The following PLB1 variants were observed in gnomAD, a reference collection of about 807,000 sequenced individuals.
The protein encoded by PLB1 is phospholipase B1, also known as phospholipase B1, membrane-associated.
A neutral mutation model predicts 227.4 loss-of-function variants in PLB1; 242 were observed. The ratio of observed to expected loss-of-function variants is 1.06; its 90% CI spans 0.96 to 1.18. The LOEUF (loss-of-function observed/expected upper bound fraction) is 1.18. Among genes scored for constraint, PLB1 ranks in the 50% most tolerant of loss-of-function variants. The probability of loss-of-function intolerance (pLI) is 0.00; values close to 1 mark genes in which losing one functional copy is unlikely to be tolerated. For missense variants in PLB1, 1,858 were observed against 1,816.3 expected (o/e 1.02, Z -0.42); for synonymous variants, 757 against 682.2 (o/e 1.11, Z -1.71).
At chr2:28,614,196 A>C (rs1685872012) in intron 44 of PLB1, 100 bp downstream of exon 44, 3 of 1,138,778 alleles carry the variant, frequency 2.6e-6, no homozygotes, top group Non-Finnish European at 4.0e-6. Context: ...CTGAAGCAGA[A>C]ATGTACTTCT....
At chr2:28,569,583 C>A (rs1677643571) in intron 20 of PLB1, among the ~76,000 whole-genome samples, 1 of 152,146 alleles carries the variant, frequency 6.6e-6, no homozygotes, top group Non-Finnish European at 1.5e-5. Context: ...ATACCATGAA[C>A]AAATTGTATG....
At position 28,620,924 on chromosome 2, in the gene PLB1, G is replaced by A; in HGVS notation, c.3473G>A (p.Ser1158Asn). Residue 1158 changes from serine to asparagine, a missense_variant, in exon 49 of 58, where the codon AGC becomes AAC. Coordinates refer to ENST00000327757, the MANE Select transcript of PLB1 (RefSeq NM_153021.5). ...CCTTACCTCCTTGGCTTCTCTACCA[G>A]CACCTGGGAGGGGACAGCAGGACTA... ...FNPYLLGFSTSTWEGTAGLNV... is the reference protein window; with the variant it reads ...FNPYLLGFSTNTWEGTAGLNV... 6.2e-7 allele frequency: 1 copy of A among 1,613,928 alleles called. No individual in the cohort carries two copies.
At chr2:28,524,520 T>C (rs1377603094) in intron 4 of PLB1, among the ~76,000 whole-genome samples, 1 of 152,168 alleles carries the variant, frequency 6.6e-6, no homozygotes, top group Non-Finnish European at 1.5e-5. Context: ...ATTTGTTAAA[T>C]ACTTACAACA....
At chr2:28,549,345 G>A in intron 15 of PLB1, among the ~76,000 whole-genome samples, 1 of 150,852 alleles carries the variant, frequency 6.6e-6, no homozygotes, top group Non-Finnish European at 1.5e-5. Flanking sequence ...TATGTAGTAG[G>A]CTTATAATTA....
chr2:28,630,595 C>G lies in PLB1; in HGVS notation c.3828C>G (p.Cys1276Trp), dbSNP rs1437427337. 1.9e-6 allele frequency: 3 copies of G among 1,613,492 alleles called. No homozygotes were observed. The Admixed American group carries it at 5.0e-5, about 27-fold the overall frequency. The change falls in exon 54 of 58, where the codon TGC (cysteine) becomes TGG (tryptophan). Residue 1276 changes from cysteine (C) to tryptophan (W), a missense_variant. Transcript: ENST00000327757. The stretch of plus-strand genomic sequence containing the variant: ...ACTCCCTGTCTCACAGGAACAACTG[C>G]ACTTGCCTCAGACACTCGCAAAGCT... ...KCAMLAAQNN[C>W]TCLRHSQSSL... is the part of the protein sequence containing the mutation.
intron 4 of PLB1, among the ~76,000 whole-genome samples, chr2:28,524,012 A>G (rs1355128842): frequency 2.6e-5 from 4 of 152,250 alleles, no homozygotes; most frequent in Admixed American, 1.3e-4. Context: ...CCTGTCTCTT[A>G]TTGAGGAGCA....
chr2:28,589,355 A>G, intron 26 of PLB1, 95 bp from the exon 27 acceptor site: 1 of 917,098 alleles, frequency 1.1e-6, no homozygotes, highest in South Asian at 1.4e-5. Flanking sequence ...CAACAGTCAG[A>G]TTCTGTTTAA....
At chr2:28,630,003 C>T (rs1688372084) in intron 53 of PLB1, among the ~76,000 whole-genome samples, 1 of 152,188 alleles carries the variant, frequency 6.6e-6, no homozygotes, top group Non-Finnish European at 1.5e-5. Context: ...GAACCCTGCT[C>T]TCTCGCAGGG....
intron 56 of PLB1, among the ~76,000 whole-genome samples, chr2:28,638,036 C>CA (rs1260897833): frequency 6.6e-6 from 1 of 152,104 alleles, no homozygotes; most frequent in Non-Finnish European, 1.5e-5. Context: ...ATCCATCCAT[C>CA]AAACAAGTAT....
chr2:28,614,010 A>G, intron 43 of PLB1, 21 bp from the exon 44 acceptor site: 3 of 1,595,096 alleles, frequency 1.9e-6, no homozygotes, highest in Non-Finnish European at 2.6e-6. Flanking sequence ...TAACTTCTCC[A>G]TGTGTTTTTT....
chr2:28,511,003 C>T (rs1668191310), intron 1 of PLB1, among the ~76,000 whole-genome samples: 1 of 152,132 alleles, frequency 6.6e-6, no homozygotes, highest in African/African-American at 2.4e-5. Flanking sequence ...CTGCCCAACA[C>T]TAGCTTGTGG....
At chr2:28,500,732 T>C (rs373787959) in intron 1 of PLB1, among the ~76,000 whole-genome samples, 1 of 151,984 alleles carries the variant, frequency 6.6e-6, no homozygotes, top group Non-Finnish European at 1.5e-5. Context: ...GGCAATATAG[T>C]GAGACCCCGT....
chr2:28,607,814 C>T (rs1684892526), intron 43 of PLB1, among the ~76,000 whole-genome samples: 1 of 152,072 alleles, frequency 6.6e-6, no homozygotes, highest in Non-Finnish European at 1.5e-5. Context: ...AATATTTTAC[C>T]AACCCTATAG....
intron 14 of PLB1, among the ~76,000 whole-genome samples, chr2:28,544,702 A>C (rs371785814): frequency 6.6e-6 from 1 of 152,108 alleles, no homozygotes; most frequent in South Asian, 2.1e-4. Flanking sequence ...GCCCATGAAG[A>C]GGGGATTTGA....
chr2:28,639,241 G>A (rs1470567495), intron 56 of PLB1, among the ~76,000 whole-genome samples: 9 of 152,168 alleles, frequency 5.9e-5, no homozygotes, highest in Non-Finnish European at 8.8e-5. Flanking sequence ...AAACAATGCT[G>A]TGTCCAGAGA....
intron 27 of PLB1, 53 bp from the exon 28 acceptor site, chr2:28,589,622 T>G: frequency 6.2e-7 from 1 of 1,607,192 alleles, no homozygotes; most frequent in Non-Finnish European, 8.5e-7. Flanking sequence ...TGAGTGTCAC[T>G]TATATGATCC....
chr2:28,543,621 A>G (rs940466319), intron 14 of PLB1, among the ~76,000 whole-genome samples: 3 of 152,068 alleles, frequency 2.0e-5, no homozygotes, highest in Admixed American at 6.5e-5. Context: ...GCCTGCCCTC[A>G]CACTTAGGCG....
At chr2:28,588,568 C>A (rs140416919) in intron 26 of PLB1, among the ~76,000 whole-genome samples, 86 of 152,256 alleles carry the variant, frequency 5.6e-4, no homozygotes, top group African/African-American at 2.0e-3. Context: ...CCAGCCAGTA[C>A]CCCGAGGTGG....
intron 17 of PLB1, among the ~76,000 whole-genome samples, chr2:28,559,798 C>T (rs1405569935): frequency 2.6e-5 from 3 of 117,302 alleles, no homozygotes; most frequent in East Asian, 5.8e-4. Flanking sequence ...ATCTCCCAGG[C>T]TGGATTGCAG....
Sources: allele counts gnomAD v4.1 joint callset (sites outside exome capture counted in the v4.1 genomes callset), GRCh38; gene constraint gnomAD v4.1.1; transcripts MANE v1.5; gene names NCBI Gene and HGNC (gene_info 2026-07-23, HGNC 2026-07-21).